Variants in DMD observed in about 807,000 individuals in gnomAD.
DMD encodes the protein mutant dystrophin.
A neutral mutation model predicts 330.1 loss-of-function variants in DMD; 63 were observed. The observed-to-expected ratio is 0.19, with a 90% CI of 0.16 to 0.24. The LOEUF (loss-of-function observed/expected upper bound fraction) is 0.24, where lower values mean the gene tolerates loss of function less well. Ranked by LOEUF, DMD falls within the 10% of genes least tolerant of loss-of-function variation. The pLI is 1.00. For missense variants in DMD, 3,344 were observed against 2,684.1 expected (o/e 1.25, Z -5.43); for synonymous variants, 1,223 against 959.8 (o/e 1.27, Z -5.07).
At chrX:33,243,716 A>C (rs2052623425) in intron 1 of DMD, among the ~76,000 whole-genome samples, 1 of 112,458 alleles carries the variant, frequency 8.9e-6, no homozygotes, top group African/African-American at 3.2e-5. Context: ...AAAAGGAATA[A>C]AATCATGTCT....
At chrX:32,230,470 C>T (rs1292717812) in intron 43 of DMD, among the ~76,000 whole-genome samples, 1 of 111,707 alleles carries the variant, frequency 9.0e-6, no homozygotes, top group East Asian at 2.8e-4. Flanking sequence ...CGGTCTCGAT[C>T]TCCTGACCTC....
intron 60 of DMD, among the ~76,000 whole-genome samples, chrX:31,397,933 T>C (rs1480090112): frequency 8.9e-6 from 1 of 112,609 alleles, no homozygotes. Flanking sequence ...AACAAATGCA[T>C]GAACAAAGTA....
rs182427710 is a variant in DMD, at chrX:32,864,606, A to C, written c.94-14786T>G. Among the ~76,000 whole-genome samples the C allele has an allele frequency of 1.5e-4, 17 of 112,055 alleles. No homozygotes were observed. In the East Asian group the frequency reaches 3.6e-3, roughly 24 times the overall value. On this transcript the variant is annotated intron_variant, in intron 2 of 78. Transcript: ENST00000357033. ...AACAGTGATAATTCTACATATATAC[A>C]TTAGGAAAATTCTTCAAAGTCCCAA...
At chrX:31,243,044 C>T (rs2048506299) in intron 63 of DMD, among the ~76,000 whole-genome samples, 1 of 111,427 alleles carries the variant, frequency 9.0e-6, no homozygotes, top group Non-Finnish European at 1.9e-5. Context: ...GAACAGGGAT[C>T]ATGCCTTATA....
At chrX:33,185,960 A>C (rs1445767815) in intron 1 of DMD, among the ~76,000 whole-genome samples, 1 of 112,092 alleles carries the variant, frequency 8.9e-6, no homozygotes, top group East Asian at 2.8e-4. Context: ...CATATGCATT[A>C]CATTGAGAAA....
At chrX:33,128,407 G>C in intron 1 of DMD, 1 of 993,781 alleles carries the variant, frequency 1.0e-6, no homozygotes, top group Non-Finnish European at 1.3e-6. Context: ...TGTTCTCACA[G>C]ATTCAGCTTC....
Position 31,904,806 on chromosome X carries a change from GC to G in DMD, c.6912+24789del, listed in dbSNP as rs1471162538. Reference sequence around the variant, plus strand: ...GAAGCAAAGAATATGGATAATCTATGCCTAGACTTCTGACCCATATGTATCC... The same window carrying G: ...GAAGCAAAGAATATGGATAATCTATGCTAGACTTCTGACCCATATGTATCC... On this transcript the variant is annotated intron_variant, in intron 47 of 78. Coordinates refer to ENST00000357033, the MANE Select transcript of DMD (RefSeq NM_004006.3). 1.8e-4 allele frequency among the ~76,000 whole-genome samples: 20 copies of G among 111,683 alleles called. No homozygotes were observed. The Admixed American group carries it at 1.8e-3, about 10-fold the overall frequency.
At chrX:32,497,948 A>T (rs778606194) in intron 19 of DMD, among the ~76,000 whole-genome samples, 1 of 111,884 alleles carries the variant, frequency 8.9e-6, no homozygotes, top group East Asian at 2.8e-4. Context: ...TAATGGCTAA[A>T]TTTTTCTAAA....
chrX:32,369,176 T>G (rs2097864043), intron 34 of DMD, among the ~76,000 whole-genome samples: 1 of 111,855 alleles, frequency 8.9e-6, no homozygotes, highest in Admixed American at 9.5e-5. Context: ...AGCTCCAGTA[T>G]AAATAGTCCA....
intron 1 of DMD, among the ~76,000 whole-genome samples, chrX:33,173,080 T>C (rs370063035): frequency 9.7e-4 from 108 of 111,842 alleles, no homozygotes; most frequent in African/African-American, 3.3e-3. Context: ...TCCAAAACTT[T>C]ATTTTAATAC....
At chrX:32,914,964 C>G (rs1344331902) in intron 2 of DMD, among the ~76,000 whole-genome samples, 1 of 111,184 alleles carries the variant, frequency 9.0e-6, no homozygotes, top group East Asian at 2.8e-4. Flanking sequence ...GTAACATTCC[C>G]AAGGTCAGAT....
chrX:32,618,061 T>C (rs1195857294), intron 11 of DMD, among the ~76,000 whole-genome samples: 2 of 111,925 alleles, frequency 1.8e-5, no homozygotes, highest in Admixed American at 1.9e-4. Flanking sequence ...TTATACACTG[T>C]TTGTGGGAGT....
At chrX:32,817,041 G>GT (rs1242027787) in intron 5 of DMD, among the ~76,000 whole-genome samples, 2 of 111,166 alleles carry the variant, frequency 1.8e-5, no homozygotes, top group African/African-American at 3.3e-5. Flanking sequence ...ATAGATAATT[G>GT]TTTTTTAAAG....
intron 9 of DMD, among the ~76,000 whole-genome samples, chrX:32,697,175 C>T (rs1001405276): frequency 2.7e-5 from 3 of 111,524 alleles, no homozygotes; most frequent in Non-Finnish European, 5.7e-5. Flanking sequence ...ATTTCATTCC[C>T]ACGCTGTAAC....
intron 62 of DMD, among the ~76,000 whole-genome samples, chrX:31,296,235 G>T (rs2054178274): frequency 9.0e-6 from 1 of 111,231 alleles, no homozygotes; most frequent in Non-Finnish European, 1.9e-5. Flanking sequence ...TAAACTGAAT[G>T]ATTGCTCTAT....
chrX:32,584,940 A>AT (rs756570711), intron 13 of DMD, among the ~76,000 whole-genome samples: 1,452 of 108,832 alleles, frequency 0.013, 22 homozygotes, highest in African/African-American at 0.044. Context: ...TAAAGTTTGC[A>AT]TTTTTTTTTC....
intron 32 of DMD, 107 bp downstream of exon 32, chrX:32,389,394 A>G (rs2097984723): frequency 1.1e-6 from 1 of 895,108 alleles, no homozygotes; most frequent in South Asian, 2.1e-5. Context: ...ATTACATAGT[A>G]TAATTATTAT....
intron 26 of DMD, among the ~76,000 whole-genome samples, chrX:32,449,614 C>G (rs924763229): frequency 9.3e-6 from 1 of 107,744 alleles, no homozygotes; most frequent in African/African-American, 3.4e-5. Flanking sequence ...CACGCACCCC[C>G]TGGCCTCCAT....
chrX:32,774,653 C>T (rs1217756414), intron 7 of DMD, among the ~76,000 whole-genome samples: 2 of 110,845 alleles, frequency 1.8e-5, no homozygotes, highest in African/African-American at 6.6e-5. Context: ...ATGAGTGCAG[C>T]ATAGGGGAAC....
Sources: allele counts gnomAD v4.1 joint callset (sites outside exome capture counted in the v4.1 genomes callset), GRCh38; gene constraint gnomAD v4.1.1; transcripts MANE v1.5; gene names NCBI Gene and HGNC (gene_info 2026-07-23, HGNC 2026-07-21).